GSR: variants seen among roughly 807,000 people sequenced by gnomAD.
The protein encoded by GSR is glutathione-disulfide reductase, also known as glutathione reductase, mitochondrial.
A neutral mutation model predicts 56.5 loss-of-function variants in GSR; 48 were observed. That is an observed-to-expected ratio of 0.85 (90% CI 0.67 to 1.08). The LOEUF is 1.08. Among genes scored for constraint, GSR ranks in the 50% least tolerant of loss-of-function variants. The probability of loss-of-function intolerance (pLI) is 0.00; values close to 1 mark genes in which losing one functional copy is unlikely to be tolerated. For missense variants in GSR, 694 were observed against 703.3 expected, an observed-to-expected ratio of 0.99 and a Z score of 0.15; for synonymous variants, 264 against 270.8, an observed-to-expected ratio of 0.97 and a Z score of 0.25.
intron 7 of GSR, 91 bp from the exon 8 acceptor site, chr8:30,693,146 C>G: frequency 1.3e-6 from 1 of 782,248 alleles, no homozygotes; most frequent in Non-Finnish European, 2.3e-6. Context: ...TCAGCATTAT[C>G]TCTCCCCTAA....
intron 5 of GSR, among the ~76,000 whole-genome samples, chr8:30,700,449 C>T (rs780651604): frequency 7.2e-5 from 11 of 152,014 alleles, no homozygotes; most frequent in Non-Finnish European, 1.5e-4. Flanking sequence ...GGTAGGAACC[C>T]TGGGGCTCAG....
Position 30,727,548 on chromosome 8 carries a change from G to A in GSR, c.288C>T (p.His96=), listed in dbSNP as rs1397729790. The A allele has an allele frequency of 1.3e-6, 2 of 1,537,084 alleles. No individual in the cohort carries two copies. The highest frequency in any genetic ancestry group is 4.9e-5 in the East Asian group (2 of 40,522). The change falls in exon 1 of 13, where the codon CAC becomes CAT. Residue 96 remains histidine, a synonymous_variant. Transcript: ENST00000221130. ...LGARAAVVES[H]KLGGTCVNVG... ...TACTCACGCAAGTGCCACCCAGCTTGTGGCTCTCCACCACGGCGGCCCTGG... is the reference window on the plus strand; with the variant it reads ...TACTCACGCAAGTGCCACCCAGCTTATGGCTCTCCACCACGGCGGCCCTGG...
intron 4 of GSR, among the ~76,000 whole-genome samples, chr8:30,705,636 G>A (rs899768372): frequency 3.4e-4 from 52 of 152,310 alleles, no homozygotes; most frequent in African/African-American, 1.1e-3. Flanking sequence ...GGGGGCTGAG[G>A]TGGGAGGATT....
chr8:30,725,632 A>C (rs1804699119), intron 1 of GSR, among the ~76,000 whole-genome samples: 1 of 152,046 alleles, frequency 6.6e-6, no homozygotes, highest in Non-Finnish European at 1.5e-5. Flanking sequence ...TTGTAATCCA[A>C]GCACTTTGGG....
chr8:30,700,201 T>C, intron 5 of GSR, 66 bp from the exon 6 acceptor site: 1 of 1,159,080 alleles, frequency 8.6e-7, no homozygotes, highest in Non-Finnish European at 1.3e-6. Flanking sequence ...AATCACAACA[T>C]TTTATGCCAA....
At chr8:30,702,115 C>T (rs1187794571) in intron 5 of GSR, among the ~76,000 whole-genome samples, 5 of 151,760 alleles carry the variant, frequency 3.3e-5, no homozygotes, top group Admixed American at 1.3e-4. Flanking sequence ...TTTGGGAGGC[C>T]GAGGTGGGCC....
intron 8 of GSR, among the ~76,000 whole-genome samples, chr8:30,692,419 C>A (rs1248168449): frequency 6.7e-6 from 1 of 150,188 alleles, no homozygotes; most frequent in Non-Finnish European, 1.5e-5. Context: ...TGGTCTCAAA[C>A]TCCCAACCTC....
In GSR at chr8:30,709,907, A is replaced by T. The variant is rs28641651; in HGVS notation, c.334-5T>A. 2,072 of 183,624 alleles carry T rather than the reference A, an allele frequency of 0.011. 18 individuals carry two copies. The highest frequency in any genetic ancestry group is 0.049 in the African/African-American group (1,605 of 32,880). 11.4% of individuals were successfully genotyped at this position (183,624 alleles called of 1,614,324 possible). On this transcript the variant is annotated splice_region_variant and splice_polypyrimidine_tract_variant and intron_variant, in intron 2 of 12. Transcript: ENST00000221130. ...GACAGCTGTGTTCCACATTACCTGT[A>T]AAAAAAAAAAAAAAAAAGGATCCAA...
In GSR at chr8:30,700,723, C is replaced by CAAAAAAAAAAAAAAAAAAAAAA. The variant is rs55702917; in HGVS notation, c.641-610_641-589dup. Among the ~76,000 whole-genome samples, 11 of 80,054 alleles carry CAAAAAAAAAAAAAAAAAAAAAA rather than the reference C, an allele frequency of 1.4e-4. 1 individual carries two copies. The highest frequency in any genetic ancestry group is 2.7e-4 in the African/African-American group (6 of 22,186). The allele number at this position is 80,054 out of a possible 152,430, so 52.5% of individuals were successfully genotyped here. On this transcript the variant is annotated intron_variant, in intron 5 of 12. Coordinates refer to ENST00000221130, the MANE Select transcript of GSR (RefSeq NM_000637.5). ...TGGGAACAGAGCAAGATTTTGTCTC[C>CAAAAAAAAAAAAAAAAAAAAAA]AAAAAAAAAAAAAAAAAAAAAAAAA...
intron 7 of GSR, among the ~76,000 whole-genome samples, chr8:30,695,995 G>A (rs1242109563): frequency 1.3e-5 from 2 of 152,100 alleles, no homozygotes; most frequent in Non-Finnish European, 2.9e-5. Flanking sequence ...AGCCGAGATG[G>A]TGCCACTGCA....
intron 3 of GSR, among the ~76,000 whole-genome samples, chr8:30,708,512 T>G (rs1803992508): frequency 6.6e-6 from 1 of 152,150 alleles, no homozygotes; most frequent in South Asian, 2.1e-4. Context: ...CTTCAAAGGA[T>G]TTACAGCAGT....
At chr8:30,689,438 C>G (rs1050526577) in intron 8 of GSR, 119 bp from the exon 9 acceptor site, 1 of 843,604 alleles carries the variant, frequency 1.2e-6, no homozygotes, top group Non-Finnish European at 2.0e-6. Context: ...CTACTGAATC[C>G]CACATACAAA....
At chr8:30,695,590 G>A (rs1803519219) in intron 7 of GSR, among the ~76,000 whole-genome samples, 1 of 152,150 alleles carries the variant, frequency 6.6e-6, no homozygotes. Flanking sequence ...TGTATTTTAT[G>A]TGTAGTCCAA....
intron 12 of GSR, among the ~76,000 whole-genome samples, chr8:30,680,240 T>C (rs759086690): frequency 6.6e-6 from 1 of 152,140 alleles, no homozygotes; most frequent in Admixed American, 6.6e-5. Flanking sequence ...GGCCAATTTT[T>C]GTATTTTTAG....
chr8:30,681,955 AG>A lies in GSR; in HGVS notation c.1259del (p.Pro420LeufsTer18). 2 of 1,613,482 alleles carry A rather than the reference AG, an allele frequency of 1.2e-6. No individual in the cohort carries two copies. Among genetic ancestry groups the A allele is most frequent in the African/African-American group, 1.3e-5 (1 of 75,048 alleles). On this transcript the variant is annotated frameshift_variant, in exon 11 of 13. Coordinates refer to ENST00000221130, the MANE Select transcript of GSR (RefSeq NM_000637.5). LOFTEE classifies it high-confidence loss of function. Reference protein sequence around the residue: ...NIPTVVFSHPPIGTVGLTEDE... With the variant: ...NIPTVVFSHPXIGTVGLTEDE... Reference sequence around the variant, plus strand: ...CTTCCGTGAGTCCCACTGTCCCAATAGGGGGGTGGCTGAAGACCACAGTTGG... The same window carrying A: ...CTTCCGTGAGTCCCACTGTCCCAATAGGGGGTGGCTGAAGACCACAGTTGG...
intron 7 of GSR, among the ~76,000 whole-genome samples, chr8:30,693,290 G>A (rs1183148212): frequency 1.3e-5 from 2 of 152,132 alleles, no homozygotes; most frequent in Non-Finnish European, 2.9e-5. Context: ...GACAGCCATT[G>A]TCCACTGTCT....
In GSR at chr8:30,679,246, A is replaced by C; in HGVS notation, c.*274T>G. 1 of 458,874 alleles carries C rather than the reference A, an allele frequency of 2.2e-6. No homozygotes were observed. Among genetic ancestry groups the C allele is most frequent in the Non-Finnish European group, 3.9e-6 (1 of 255,298 alleles). The allele number at this position is 458,874 out of a possible 1,614,324, so 28.4% of individuals were successfully genotyped here. On this transcript the variant is annotated 3_prime_UTR_variant, in exon 13 of 13. Coordinates refer to ENST00000221130, the MANE Select transcript of GSR (RefSeq NM_000637.5). ...TTTATATTTGGGATGAGGCTAAAAC[A>C]GAAAAAAAAAACTAGCACAGAGCTG...
Position 30,712,104 on chromosome 8 carries a change from A to G in GSR, c.307-16T>C. 3 of 1,365,520 alleles carry G rather than the reference A, an allele frequency of 2.2e-6. No individual in the cohort carries two copies. The highest frequency in any genetic ancestry group is 1.2e-5 in the South Asian group (1 of 81,446). 84.6% of individuals were successfully genotyped at this position (1,365,520 alleles called of 1,614,324 possible). A position where few individuals can be genotyped will look rare whatever the true frequency, so the allele number is the denominator to read the frequency against. The stretch of plus-strand genomic sequence containing the variant: ...CAACATTCACCTGGAAAAAAAAAAA[A>G]GAGACACACTTTAAGAATATTGAAT... On this transcript the variant is annotated splice_polypyrimidine_tract_variant and intron_variant, in intron 1 of 12. Transcript: ENST00000221130.
At chr8:30,696,301 T>C in intron 7 of GSR, 79 bp downstream of exon 7, 1 of 998,472 alleles carries the variant, frequency 1.0e-6, no homozygotes, top group South Asian at 1.3e-5. Context: ...CACCCTAGTA[T>C]TTAACGACAA....
Sources: gnomAD v4.1 joint callset for allele counts (sites outside exome capture counted in the v4.1 genomes callset) on GRCh38, gnomAD v4.1.1 for gene constraint, MANE v1.5 for transcripts, NCBI Gene and HGNC (gene_info 2026-07-23, HGNC 2026-07-21) for gene names.